TNRC6C: variants seen among roughly 807,000 people sequenced by gnomAD.
TNRC6C encodes the protein trinucleotide repeat containing adaptor 6C, also known as trinucleotide repeat-containing gene 6C protein.
A neutral mutation model predicts 153.7 loss-of-function variants in TNRC6C; 20 were observed. The ratio of observed to expected loss-of-function variants is 0.13; its 90% CI spans 0.09 to 0.19. TNRC6C has a LOEUF of 0.19. Ranked by LOEUF, TNRC6C falls within the 10% of genes least tolerant of loss-of-function variation. The pLI is 1.00. For synonymous variants in TNRC6C, 811 were observed against 841.4 expected, an observed-to-expected ratio of 0.96 and a Z score of 0.63; for missense variants, 1,987 against 2,172.0, an observed-to-expected ratio of 0.91 and a Z score of 1.69.
chr17:78,064,684 C>G, intron 3 of TNRC6C, 38 bp from the exon 6 acceptor site: 1 of 1,597,150 alleles, frequency 6.3e-7, no homozygotes. Flanking sequence ...CTCTGATGCA[C>G]TTTCATTATT....
intron 3 of TNRC6C, among the ~76,000 whole-genome samples, chr17:78,055,222 T>G (rs193201595): frequency 6.6e-5 from 10 of 152,374 alleles, no homozygotes; most frequent in Non-Finnish European, 1.0e-4. Flanking sequence ...GCTTTTTTTT[T>G]GTACCTTTTA....
At position 78,049,007 on chromosome 17, in the gene TNRC6C, C is replaced by G; in HGVS notation, c.-56C>G. ...ACAGGAACAGAGACTGAATCTGCCT[C>G]AGAATGTACTACAGACACTGACTCT... On this transcript the variant is annotated 5_prime_UTR_variant, in exon 3 of 20. Coordinates refer to ENST00000301624, the Ensembl canonical transcript of TNRC6C. The surrounding 1 kb of genome is among the most constrained non-coding windows in gnomAD (Gnocchi z 4.1). 7.0e-7 allele frequency: 1 copy of G among 1,429,174 alleles called. No homozygotes were observed. Among genetic ancestry groups the G allele is most frequent in the Non-Finnish European group, 9.2e-7 (1 of 1,089,964 alleles). The allele number at this position is 1,429,174 out of a possible 1,614,324, so 88.5% of individuals were successfully genotyped here.
At chr17:77,961,455 C>T (rs1334597599) in intron 1 of TNRC6C, among the ~76,000 whole-genome samples, 1 of 152,118 alleles carries the variant, frequency 6.6e-6, no homozygotes, top group South Asian at 2.1e-4. Context: ...CACGCTCGGC[C>T]GGTTTTACTT....
intron 1 of TNRC6C, among the ~76,000 whole-genome samples, chr17:77,984,439 G>A (rs920041375): frequency 6.6e-6 from 1 of 152,084 alleles, no homozygotes; most frequent in African/African-American, 2.4e-5. Context: ...AAGGTGGGAG[G>A]ATCGCTTGAT....
intron 1 of TNRC6C, among the ~76,000 whole-genome samples, chr17:78,016,480 G>A (rs2071731088): frequency 6.6e-6 from 1 of 152,216 alleles, no homozygotes; most frequent in Admixed American, 6.5e-5. Flanking sequence ...TTAACTACTT[G>A]CTTTGTAAAC....
intron 2 of TNRC6C, among the ~76,000 whole-genome samples, chr17:78,038,987 C>G (rs923197720): frequency 6.6e-6 from 1 of 151,966 alleles, no homozygotes; most frequent in Admixed American, 6.6e-5. Flanking sequence ...CAGGATTTAT[C>G]AAAATGTTGG....
chr17:78,065,339 AC>A, intron 4 of TNRC6C, among the ~76,000 whole-genome samples: 1 of 151,396 alleles, frequency 6.6e-6, no homozygotes, highest in South Asian at 2.1e-4. Flanking sequence ...ATAGAGCAAG[AC>A]CCCATCTCTT....
chr17:78,070,324 C>T (rs1250916371), intron 5 of TNRC6C, among the ~76,000 whole-genome samples: 1 of 152,148 alleles, frequency 6.6e-6, no homozygotes, highest in African/African-American at 2.4e-5. Flanking sequence ...TTATAGAGCT[C>T]CATATGCTCC....
intron 1 of TNRC6C, among the ~76,000 whole-genome samples, chr17:77,999,083 G>A (rs1430268445): frequency 1.3e-5 from 2 of 152,208 alleles, no homozygotes; most frequent in Non-Finnish European, 2.9e-5. Flanking sequence ...CACAGCCTTT[G>A]TTCTGCTGTT....
intron 11 of TNRC6C, 126 bp from the exon 14 acceptor site, chr17:78,086,377 C>A: frequency 1.0e-5 from 5 of 488,670 alleles, no homozygotes; most frequent in South Asian, 5.3e-5. Flanking sequence ...GTGTCAGCCA[C>A]AGTATGGGCC....
intron 1 of TNRC6C, among the ~76,000 whole-genome samples, chr17:77,965,711 G>T (rs1235191387): frequency 6.6e-6 from 1 of 152,184 alleles, no homozygotes; most frequent in Non-Finnish European, 1.5e-5. Context: ...AGCAATACAT[G>T]TGAAGAACGC....
intron 15 of TNRC6C, 53 bp from the exon 18 acceptor site, chr17:78,093,567 A>G: frequency 1.3e-6 from 2 of 1,594,574 alleles, no homozygotes; most frequent in South Asian, 2.3e-5. Context: ...AATTTCGTGA[A>G]TCAATGTGCC....
At chr17:77,994,752 A>G (rs2071302784) in intron 1 of TNRC6C, among the ~76,000 whole-genome samples, 1 of 152,244 alleles carries the variant, frequency 6.6e-6, no homozygotes, top group South Asian at 2.1e-4. Context: ...TTAAAAAAAA[A>G]ACAAAAACAA....
chr17:78,057,592 C>T (rs1458838604), intron 3 of TNRC6C, among the ~76,000 whole-genome samples: 1 of 152,256 alleles, frequency 6.6e-6, no homozygotes, highest in East Asian at 1.9e-4. Context: ...GCCTGCGCAG[C>T]TTTCCATAGC....
intron 1 of TNRC6C, among the ~76,000 whole-genome samples, chr17:78,027,107 C>G (rs1331860152): frequency 6.6e-6 from 1 of 152,034 alleles, no homozygotes; most frequent in Admixed American, 6.6e-5. Context: ...GAGAAGAAGG[C>G]AGGAGTGGCC....
intron 5 of TNRC6C, among the ~76,000 whole-genome samples, chr17:78,070,570 T>C (rs983445631): frequency 2.0e-5 from 3 of 152,124 alleles, no homozygotes; most frequent in African/African-American, 4.8e-5. Flanking sequence ...TTTTCCTCCT[T>C]ATTCCTTTTC....
intron 12 of TNRC6C, 57 bp downstream of exon 14, chr17:78,086,643 G>A: frequency 1.3e-6 from 2 of 1,567,340 alleles, no homozygotes; most frequent in South Asian, 1.1e-5. Context: ...TGATAGAAGA[G>A]ACGCTAATTG....
At chr17:78,037,327 G>C (rs2072199417) in intron 2 of TNRC6C, among the ~76,000 whole-genome samples, 1 of 152,206 alleles carries the variant, frequency 6.6e-6, no homozygotes. Flanking sequence ...AACATTTGTT[G>C]AATGCCTACC....
chr17:77,958,548 A>G (rs1204719790), upstream of TNRC6C, among the ~76,000 whole-genome samples: 3 of 152,000 alleles, frequency 2.0e-5, no homozygotes, highest in Non-Finnish European at 4.4e-5. Flanking sequence ...GCTCAGGTGC[A>G]GAGTGCCGAT....
Sources: gnomAD v4.1 joint callset for allele counts (sites outside exome capture counted in the v4.1 genomes callset) on GRCh38, gnomAD v4.1.1 for gene constraint, Gnocchi (gnomAD v3.1) non-coding constraint, MANE v1.5 for transcripts, NCBI Gene and HGNC (gene_info 2026-07-23, HGNC 2026-07-21) for gene names.